The following PDE4B variants were observed in gnomAD, a reference collection of about 807,000 sequenced individuals.
PDE4B encodes the protein phosphodiesterase 4B, also known as 3',5'-cyclic-AMP phosphodiesterase 4B.
A neutral mutation model predicts 82.2 loss-of-function variants in PDE4B; 20 were observed. The observed-to-expected ratio is 0.24, with a 90% CI of 0.17 to 0.35. PDE4B has a LOEUF of 0.35. Ranked by LOEUF, PDE4B falls within the 10% of genes least tolerant of loss-of-function variation. The probability of loss-of-function intolerance (pLI) is 1.00; values close to 1 mark genes in which losing one functional copy is unlikely to be tolerated. For synonymous variants in PDE4B, 320 were observed against 318.9 expected (o/e 1.00, Z -0.04); for missense variants, 655 against 907.2 (o/e 0.72, Z 3.57).
At chr1:66,339,488 C>A (rs1229313414) in intron 8 of PDE4B, among the ~76,000 whole-genome samples, 4 of 152,070 alleles carry the variant, frequency 2.6e-5, no homozygotes, top group Admixed American at 2.6e-4. Context: ...AATGGTAATC[C>A]ATTTGGCCCA....
At chr1:66,302,458 T>A (rs1443005069) in intron 7 of PDE4B, among the ~76,000 whole-genome samples, 2 of 152,184 alleles carry the variant, frequency 1.3e-5, no homozygotes, top group African/African-American at 4.8e-5. Flanking sequence ...CTTTCATTTG[T>A]TGAGCAAATC....
intron 1 of PDE4B, among the ~76,000 whole-genome samples, chr1:65,884,197 G>T (rs945131151): frequency 8.8e-4 from 133 of 151,374 alleles, no homozygotes; most frequent in Middle Eastern, 3.4e-3. Flanking sequence ...GGATTCCCTC[G>T]TTTTCTATTG....
chr1:65,814,756 G>A (rs1255401118), intron 1 of PDE4B, among the ~76,000 whole-genome samples: 1 of 151,802 alleles, frequency 6.6e-6, no homozygotes, highest in Admixed American at 6.6e-5. Context: ...TCTTATTGCT[G>A]TATGGGATAT....
At chr1:66,151,009 C>A (rs1646381715) in intron 3 of PDE4B, among the ~76,000 whole-genome samples, 1 of 152,124 alleles carries the variant, frequency 6.6e-6, no homozygotes, top group African/African-American at 2.4e-5. Context: ...CTTGTGATGT[C>A]TTCACCTGAT....
At chr1:66,001,748 A>G (rs759431340) in intron 3 of PDE4B, among the ~76,000 whole-genome samples, 17 of 151,940 alleles carry the variant, frequency 1.1e-4, no homozygotes, top group Non-Finnish European at 2.5e-4. Flanking sequence ...TTTGACATGG[A>G]ATCTTGCTCT....
intron 3 of PDE4B, among the ~76,000 whole-genome samples, chr1:66,166,779 A>G (rs1313512623): frequency 6.6e-6 from 1 of 152,144 alleles, no homozygotes; most frequent in African/African-American, 2.4e-5. Flanking sequence ...CGAATGGGAG[A>G]AAATATTTGT....
At chr1:65,934,625 G>A (rs1332158752) in intron 3 of PDE4B, among the ~76,000 whole-genome samples, 2 of 152,212 alleles carry the variant, frequency 1.3e-5, no homozygotes, top group South Asian at 2.1e-4. Flanking sequence ...AGTAAACTAT[G>A]TGCTGTCTAT....
At chr1:66,162,305 C>CTTTTTTTTTTTTTTTTTTTTTTTTT (rs1168144080) in intron 3 of PDE4B, among the ~76,000 whole-genome samples, 1 of 40,288 alleles carries the variant, frequency 2.5e-5, no homozygotes, top group Non-Finnish European at 4.4e-5. Flanking sequence ...ATGGACTTCT[C>CTTTTTTTTTTTTTTTTTTTTTTTTT]TTTTTTTTTT....
chr1:66,265,530 A>ATGAC (rs1163332211), intron 6 of PDE4B, among the ~76,000 whole-genome samples: 2 of 152,140 alleles, frequency 1.3e-5, no homozygotes, highest in East Asian at 3.8e-4. Flanking sequence ...AGCAAGCTGG[A>ATGAC]TGACTGTTCC....
At chr1:65,898,837 A>T (rs1324690019) in intron 1 of PDE4B, among the ~76,000 whole-genome samples, 1 of 152,140 alleles carries the variant, frequency 6.6e-6, no homozygotes, top group Non-Finnish European at 1.5e-5. Context: ...AAGGACTTAA[A>T]CCTAAGACCT....
intron 2 of PDE4B, 80 bp downstream of exon 2, chr1:65,913,436 G>A: frequency 7.2e-7 from 1 of 1,391,592 alleles, no homozygotes; most frequent in South Asian, 1.2e-5. Flanking sequence ...AGGGCAGCTG[G>A]GGGCATTTAA....
intron 3 of PDE4B, among the ~76,000 whole-genome samples, chr1:66,086,449 T>C (rs529915812): frequency 1.3e-5 from 2 of 152,262 alleles, no homozygotes; most frequent in South Asian, 4.1e-4. Context: ...GAATTTACTA[T>C]GATTTGCTTT....
At chr1:65,925,951 C>T (rs566510637) in intron 3 of PDE4B, among the ~76,000 whole-genome samples, 1 of 152,260 alleles carries the variant, frequency 6.6e-6, no homozygotes, top group South Asian at 2.1e-4. Flanking sequence ...ACCCTTCTGG[C>T]AGTCTCCTGG....
intron 1 of PDE4B, among the ~76,000 whole-genome samples, chr1:65,893,064 T>C (rs530720318): frequency 1.3e-5 from 2 of 152,202 alleles, no homozygotes; most frequent in Non-Finnish European, 2.9e-5. Context: ...TGGGTGGTGA[T>C]TGTGAAAGAG....
At chr1:66,103,244 G>A (rs567007929) in intron 3 of PDE4B, among the ~76,000 whole-genome samples, 34 of 151,384 alleles carry the variant, frequency 2.2e-4, no homozygotes, top group African/African-American at 7.7e-4. Flanking sequence ...CCTGCCTCAC[G>A]CAAATTTATT....
intron 3 of PDE4B, among the ~76,000 whole-genome samples, chr1:66,061,742 C>T (rs1655592442): frequency 6.6e-6 from 1 of 152,064 alleles, no homozygotes; most frequent in Admixed American, 6.6e-5. Context: ...TTTTATCACA[C>T]ACCAGGCCTG....
intron 8 of PDE4B, among the ~76,000 whole-genome samples, chr1:66,344,316 T>G (rs1467917945): frequency 6.6e-6 from 1 of 152,248 alleles, no homozygotes; most frequent in Non-Finnish European, 1.5e-5. Flanking sequence ...ATTTGCATCT[T>G]TCTTGTGCAT....
intron 3 of PDE4B, among the ~76,000 whole-genome samples, chr1:66,028,196 T>A (rs1219747387): frequency 3.3e-5 from 5 of 152,208 alleles, no homozygotes; most frequent in African/African-American, 1.2e-4. Flanking sequence ...GTTCTTGAAT[T>A]CTGTGCATCT....
At chr1:66,035,530 T>G (rs1405479692) in intron 3 of PDE4B, among the ~76,000 whole-genome samples, 1 of 152,166 alleles carries the variant, frequency 6.6e-6, no homozygotes, top group African/African-American at 2.4e-5. Flanking sequence ...CCTCTCTACT[T>G]CTATGAGTTT....
Sources: allele counts gnomAD v4.1 joint callset (sites outside exome capture counted in the v4.1 genomes callset), GRCh38; gene constraint gnomAD v4.1.1; transcripts MANE v1.5; gene names NCBI Gene and HGNC (gene_info 2026-07-23, HGNC 2026-07-21).